SPC25: variants seen among roughly 807,000 people sequenced by gnomAD.
The protein encoded by SPC25 is kinetochore protein Spc25.
SPC25 carries 22 observed loss-of-function variants against 29.6 expected under a neutral mutation model. The ratio of observed to expected loss-of-function variants is 0.74; its 90% CI spans 0.53 to 1.06. The LOEUF is 1.06. Ranked by LOEUF, SPC25 falls within the 50% of genes least tolerant of loss-of-function variation. The pLI is 0.00. For synonymous variants in SPC25, 91 were observed against 90.4 expected (o/e 1.01, Z -0.04); for missense variants, 230 against 255.8 (o/e 0.90, Z 0.69).
rs967331463 is a variant in SPC25 at position 168,865,061 on chromosome 2, T to A, written n.419+8524A>T. The stretch of plus-strand genomic sequence containing the variant: ...ATAAAGTGCTCTTACCTTTACATGT[T>A]TTTCTTTTGAAATGGATGGAGTTCT... On this transcript the variant is annotated intron_variant and non_coding_transcript_variant, in intron 4 of 4. Coordinates refer to the SPC25 transcript ENST00000479309. 23 of 1,415,774 alleles carry A rather than the reference T, an allele frequency of 1.6e-5. No individual in the cohort carries two copies. In the African/African-American group the frequency reaches 3.1e-4, roughly 19 times the overall value. The allele number at this position is 1,415,774 out of a possible 1,614,324, so 87.7% of individuals were successfully genotyped here.
intron 5 of SPC25, among the ~76,000 whole-genome samples, chr2:168,874,230 G>T (rs1690047151): frequency 6.6e-6 from 1 of 152,156 alleles, no homozygotes; most frequent in African/African-American, 2.4e-5. Context: ...GAAAATAACA[G>T]TGTTGGTGAG....
intron 6 of SPC25, among the ~76,000 whole-genome samples, chr2:168,872,403 T>A (rs1183510083): frequency 6.6e-6 from 1 of 152,204 alleles, no homozygotes; most frequent in Non-Finnish European, 1.5e-5. Flanking sequence ...CAGGGGCTAT[T>A]AATCAAATGA....
intron 3 of SPC25, among the ~76,000 whole-genome samples, chr2:168,888,584 C>T (rs1238858284): frequency 6.6e-6 from 1 of 151,800 alleles, no homozygotes; most frequent in African/African-American, 2.4e-5. Flanking sequence ...AAAAATGACA[C>T]AAAAAACCCC....
At chr2:168,863,374 TAGAA>T in intron 4 of SPC25, 4 of 982,214 alleles carry the variant, frequency 4.1e-6, no homozygotes, top group African/African-American at 1.8e-5. Context: ...TCCTTTGTCT[TAGAA>T]AGAAAGTTGC....
intron 4 of SPC25, chr2:168,863,799 T>C: frequency 3.5e-6 from 1 of 282,334 alleles, no homozygotes; most frequent in Non-Finnish European, 5.3e-6. Context: ...AACACCAGCA[T>C]GTGAAACCCT....
chr2:168,871,762 T>G (rs995393639), intron 6 of SPC25, among the ~76,000 whole-genome samples: 3 of 152,150 alleles, frequency 2.0e-5, no homozygotes, highest in Non-Finnish European at 4.4e-5. Context: ...ATTCAAATCT[T>G]AAGTACTATA....
chr2:168,867,665 C>A (rs1689891742), downstream of SPC25, among the ~76,000 whole-genome samples: 2 of 152,264 alleles, frequency 1.3e-5, no homozygotes, highest in Non-Finnish European at 2.9e-5. Context: ...GTAAAGGGAT[C>A]AATTCAACAA....
At chr2:168,867,961 A>T (rs1282128337), downstream of SPC25, among the ~76,000 whole-genome samples, 12 of 152,188 alleles carry the variant, frequency 7.9e-5, no homozygotes, top group Non-Finnish European at 1.6e-4. Flanking sequence ...GAAGTAAAGC[A>T]CTCCTCAGCA....
At position 168,883,413 on chromosome 2, in the gene SPC25, A is replaced by T. The variant is rs898831194; in HGVS notation, c.199+5813T>A. ...CGTCAAGTATAATTTAAAAATAAACATCTTACTAGAAAGAAAAATGCTACT... is the reference window on the plus strand; with the variant it reads ...CGTCAAGTATAATTTAAAAATAAACTTCTTACTAGAAAGAAAAATGCTACT... On this transcript the variant is annotated intron_variant, in intron 3 of 6. Coordinates refer to ENST00000282074, the MANE Select transcript of SPC25 (RefSeq NM_020675.4). 2.6e-5 allele frequency among the ~76,000 whole-genome samples: 4 copies of T among 152,180 alleles called. No homozygotes were observed. In the South Asian group the frequency reaches 8.3e-4, roughly 32 times the overall value.
At chr2:168,886,598 C>T (rs1690268312) in intron 3 of SPC25, among the ~76,000 whole-genome samples, 1 of 151,326 alleles carries the variant, frequency 6.6e-6, no homozygotes, top group South Asian at 2.1e-4. Flanking sequence ...GGGCTCACTG[C>T]AAGCTCCGCC....
intron 3 of SPC25, among the ~76,000 whole-genome samples, chr2:168,888,150 C>T (rs1690302146): frequency 6.6e-6 from 1 of 152,144 alleles, no homozygotes; most frequent in Admixed American, 6.5e-5. Flanking sequence ...TGCTGGTGTG[C>T]ACCAGTGGTC....
At position 168,886,380 on chromosome 2, in the gene SPC25, C is replaced by T. The variant is rs116397981; in HGVS notation, c.199+2846G>A. Among the ~76,000 whole-genome samples, 806 of 151,886 alleles carry T rather than the reference C, an allele frequency of 5.3e-3. 10 individuals carry two copies. Among genetic ancestry groups the T allele is most frequent in the African/African-American group, 0.019 (771 of 41,414 alleles). On this transcript the variant is annotated intron_variant, in intron 3 of 6. Coordinates refer to ENST00000282074, the MANE Select transcript of SPC25 (RefSeq NM_020675.4). Reference sequence around the variant, plus strand: ...GAACAATATATTTTAATTGTGGTTTCCCTATCTATATCCCCCACAATATTG... The same window carrying T: ...GAACAATATATTTTAATTGTGGTTTTCCTATCTATATCCCCCACAATATTG...
At chr2:168,862,114 C>CCTGT (rs1345022634) in intron 4 of SPC25, 5 of 1,445,796 alleles carry the variant, frequency 3.5e-6, no homozygotes, top group East Asian at 2.3e-5. Flanking sequence ...TGAATAAAAC[C>CCTGT]CTGTCTTAGT....
intron 3 of SPC25, among the ~76,000 whole-genome samples, chr2:168,879,995 G>C (rs913884976): frequency 3.3e-5 from 5 of 152,160 alleles, no homozygotes; most frequent in African/African-American, 1.2e-4. Context: ...ACACACATGT[G>C]CTGTCATCTA....
At chr2:168,880,342 T>G (rs559127385) in intron 3 of SPC25, among the ~76,000 whole-genome samples, 5 of 152,246 alleles carry the variant, frequency 3.3e-5, no homozygotes, top group Non-Finnish European at 7.3e-5. Context: ...GCATTTTTAT[T>G]TTATGGAGGC....
downstream of SPC25, among the ~76,000 whole-genome samples, chr2:168,869,128 C>T (rs1359974969): frequency 1.3e-5 from 2 of 152,132 alleles, no homozygotes; most frequent in Admixed American, 1.3e-4. Context: ...TCAATAGATG[C>T]GGAAAAGGCC....
intron 3 of SPC25, among the ~76,000 whole-genome samples, chr2:168,878,624 C>T (rs1267676327): frequency 6.6e-6 from 1 of 152,104 alleles, no homozygotes; most frequent in Non-Finnish European, 1.5e-5. Flanking sequence ...CAATAGACAT[C>T]TATCTAGAAT....
At chr2:168,877,501 G>A in intron 3 of SPC25, 117 bp from the exon 4 acceptor site, 4 of 1,138,194 alleles carry the variant, frequency 3.5e-6, no homozygotes, top group Non-Finnish European at 4.9e-6. Flanking sequence ...TGACTGATAA[G>A]CATTTTCTAA....
chr2:168,862,623 T>A (rs1208853664), intron 4 of SPC25, among the ~76,000 whole-genome samples: 1 of 152,232 alleles, frequency 6.6e-6, no homozygotes, highest in Non-Finnish European at 1.5e-5. Context: ...CAGAAAAGCT[T>A]TTTACAGCCA....
Sources: gnomAD v4.1 joint callset for allele counts (sites outside exome capture counted in the v4.1 genomes callset) on GRCh38, gnomAD v4.1.1 for gene constraint, MANE v1.5 for transcripts, NCBI Gene and HGNC (gene_info 2026-07-23, HGNC 2026-07-21) for gene names.